The following ZNF445 variants were observed in gnomAD, a reference collection of about 807,000 sequenced individuals.
ZNF445 encodes the protein zinc finger protein 445.
A neutral mutation model predicts 93.9 loss-of-function variants in ZNF445; 19 were observed. The observed-to-expected ratio is 0.20, with a 90% CI of 0.14 to 0.30. The LOEUF is 0.30. ZNF445 is among the 10% of genes least tolerant of loss of function. ZNF445 has a pLI of 1.00. For synonymous variants in ZNF445, 449 were observed against 446.3 expected (o/e 1.01, Z -0.08); for missense variants, 1,058 against 1,259.4 (o/e 0.84, Z 2.42).
At position 44,448,675 on chromosome 3, in the gene ZNF445, T is replaced by C; in HGVS notation, c.996A>G (p.Glu332=). ...GACATCCTGATGACACAGCTAAGGT[T>C]TCTGCTTCTTCCAAAGGTTCCTGAT... ...ILNQEPLEEA[E]TLAVSSGCPA... is the part of the protein sequence containing the mutation. The change falls in exon 8 of 8, where the codon GAA becomes GAG. Residue 332 remains glutamate (E), a synonymous_variant. Coordinates refer to ENST00000396077, the MANE Select transcript of ZNF445 (RefSeq NM_181489.6). The C allele has an allele frequency of 1.2e-6, 2 of 1,614,000 alleles. No individual in the cohort carries two copies. The highest frequency in any genetic ancestry group is 1.7e-6 in the Non-Finnish European group (2 of 1,180,016).
intron 3 of ZNF445, among the ~76,000 whole-genome samples, chr3:44,451,887 G>A (rs1697963458): frequency 6.6e-6 from 1 of 152,244 alleles, no homozygotes. Flanking sequence ...ATGGTTCACA[G>A]TGGAGATACA....
At position 44,435,467 on chromosome 3, in the gene ZNF445, C is replaced by A. The variant is rs1171033792; in HGVS notation, c.*11108G>T. ...TGGAATCACTAGTTAATTAAGTTTACAATTAATCCAATTGTCATTCTCCAA... is the reference window on the plus strand; with the variant it reads ...TGGAATCACTAGTTAATTAAGTTTAAAATTAATCCAATTGTCATTCTCCAA... On this transcript the variant is annotated 3_prime_UTR_variant, in exon 8 of 8. Coordinates refer to ENST00000396077, the MANE Select transcript of ZNF445 (RefSeq NM_181489.6). 1.3e-5 allele frequency: 2 copies of A among 152,194 alleles called. No homozygotes were observed. Among genetic ancestry groups the A allele is most frequent in the Non-Finnish European group, 2.9e-5 (2 of 68,032 alleles). The allele number at this position is 152,194 out of a possible 1,614,324, so 9.4% of individuals were successfully genotyped here.
chr3:44,461,351 G>A (rs376716570), intron 1 of ZNF445, among the ~76,000 whole-genome samples: 162 of 144,706 alleles, frequency 1.1e-3, no homozygotes, highest in African/African-American at 3.8e-3. Flanking sequence ...GGAAGATTTC[G>A]AGGAGGTTTC....
At chr3:44,449,723 AC>A in intron 6 of ZNF445, 100 bp from the exon 7 acceptor site, 1 of 930,770 alleles carries the variant, frequency 1.1e-6, no homozygotes, top group Non-Finnish European at 1.7e-6. Flanking sequence ...GGTGGGAAAG[AC>A]CAGGAAGGCA....
chr3:44,457,771 G>A (rs1360876343), intron 2 of ZNF445, among the ~76,000 whole-genome samples: 1 of 152,086 alleles, frequency 6.6e-6, no homozygotes, highest in African/African-American at 2.4e-5. Context: ...GGGAGGCCTA[G>A]GCGCGTGGAT....
intron 1 of ZNF445, among the ~76,000 whole-genome samples, chr3:44,462,196 C>T (rs1478757067): frequency 1.3e-5 from 2 of 152,212 alleles, no homozygotes; most frequent in African/African-American, 4.8e-5. Flanking sequence ...GTCCACTTTT[C>T]AAGCCAGCCT....
rs1485920968 is a variant in ZNF445, at chr3:44,451,469, G to A, written c.443C>T (p.Ala148Val). 1 of 1,606,676 alleles carries A rather than the reference G, an allele frequency of 6.2e-7. No individual in the cohort carries two copies. Among genetic ancestry groups the A allele is most frequent in the Non-Finnish European group, 8.5e-7 (1 of 1,174,324 alleles). Residue 148 changes from alanine (A) to valine (V), a missense_variant, in exon 4 of 8, where the codon GCC (alanine) becomes GTC (valine). Ala to Val is a moderately conservative substitution (Grantham distance 64, BLOSUM62 0). Transcript: ENST00000396077. Reference protein sequence around the residue: ...DGTSWRDPGPAQSPDVHWMGT... With the variant: ...DGTSWRDPGPVQSPDVHWMGT... ...CATCCAATGCACATCTGGGCTCTGG[G>A]CAGGGCCCGGGTCCTGGCAAGAAGA...
In ZNF445 at chr3:44,440,793, T is replaced by C. The variant is rs1697797106; in HGVS notation, c.*5782A>G. Reference sequence around the variant, plus strand: ...TATTTTTATGGTTATTTATTGATTATATGCTAAACAAGGGGTAGATTATTC... The same window carrying C: ...TATTTTTATGGTTATTTATTGATTACATGCTAAACAAGGGGTAGATTATTC... On this transcript the variant is annotated 3_prime_UTR_variant, in exon 8 of 8. Coordinates refer to ENST00000396077, the MANE Select transcript of ZNF445 (RefSeq NM_181489.6). The C allele has an allele frequency of 6.6e-6, 1 of 152,234 alleles. No individual in the cohort carries two copies. The highest frequency in any genetic ancestry group is 1.5e-5 in the Non-Finnish European group (1 of 68,052). The allele number at this position is 152,234 out of a possible 1,614,324, so 9.4% of individuals were successfully genotyped here. A position where few individuals can be genotyped will look rare whatever the true frequency, so the allele number is the denominator to read the frequency against.
rs1055976423 is a variant in ZNF445 at position 44,450,743 on chromosome 3, T to C, written c.693+125A>G. 3 of 1,271,842 alleles carry C rather than the reference T, an allele frequency of 2.4e-6. No individual in the cohort carries two copies. The African/African-American group carries it at 4.5e-5, about 19-fold the overall frequency. 78.8% of individuals were successfully genotyped at this position (1,271,842 alleles called of 1,614,324 possible). A position where few individuals can be genotyped will look rare whatever the true frequency, so the allele number is the denominator to read the frequency against. On this transcript the variant is annotated intron_variant, in intron 5 of 7. Transcript: ENST00000396077. ...TCTGGGCTTGAGGGGGATAATCTGGTCTCTGGAACACGGGTCTTTGGATGT... is the reference window on the plus strand; with the variant it reads ...TCTGGGCTTGAGGGGGATAATCTGGCCTCTGGAACACGGGTCTTTGGATGT...
Position 44,447,598 on chromosome 3 carries a change from A to G in ZNF445, c.2073T>C (p.Thr691=). The change falls in exon 8 of 8, where the codon ACT becomes ACC. Residue 691 remains threonine, a synonymous_variant. Transcript: ENST00000396077. The surrounding 1 kb of genome is among the most constrained non-coding windows in gnomAD (Gnocchi z 4.7). ...FLCQQCGKTF[T]RKKTLVDHQR... ...GGTGGTCAACGAGAGTTTTCTTTCT[A>G]GTAAAAGTTTTCCCACACTGCTGAC... is the stretch of plus-strand genomic sequence containing the variant. The G allele has an allele frequency of 6.2e-7, 1 of 1,614,104 alleles. No homozygotes were observed. Among genetic ancestry groups the G allele is most frequent in the South Asian group, 1.1e-5 (1 of 91,080 alleles).
rs764801147 is a variant in ZNF445, at chr3:44,455,328, G to A, written c.222C>T (p.Ser74=). The change falls in exon 3 of 8, where the codon AGC becomes AGT. Residue 74 remains serine, a synonymous_variant. Coordinates refer to ENST00000396077, the MANE Select transcript of ZNF445 (RefSeq NM_181489.6). Reference sequence around the variant, plus strand: ...ACCAGCGACAGAGTTCCCGGAGCCGGCTCAGAGTTTCTAGGGGCCCTGAAG... The same window carrying A: ...ACCAGCGACAGAGTTCCCGGAGCCGACTCAGAGTTTCTAGGGGCCCTGAAG... ...HESSGPLETL[S]RLRELCRWWL... The A allele has an allele frequency of 1.2e-6, 2 of 1,613,926 alleles. No individual in the cohort carries two copies. The highest frequency in any genetic ancestry group is 1.7e-6 in the Non-Finnish European group (2 of 1,179,872).
In ZNF445 at chr3:44,465,428, C is replaced by T. The variant is rs1698180311; in HGVS notation, c.-268-7064G>A. On this transcript the variant is annotated intron_variant, in intron 1 of 7. Transcript: ENST00000396077. ...GATTTAAAAGAAATTATTTAGTTTT[C>T]CACAGGTTAAAAAATTAAAATGATA... is the stretch of plus-strand genomic sequence containing the variant. 2.0e-5 allele frequency among the ~76,000 whole-genome samples: 3 copies of T among 152,216 alleles called. No individual in the cohort carries two copies. The South Asian group carries it at 6.2e-4, about 32-fold the overall frequency.
Position 44,448,079 on chromosome 3 carries a change from T to C in ZNF445, c.1592A>G (p.His531Arg), listed in dbSNP as rs1236967248. 6.2e-7 allele frequency: 1 copy of C among 1,613,052 alleles called. No homozygotes were observed. The highest frequency in any genetic ancestry group is 8.5e-7 in the Non-Finnish European group (1 of 1,180,044). The change falls in exon 8 of 8, where the codon CAT becomes CGT. Residue 531 changes from histidine to arginine, a missense_variant. His to Arg is a conservative substitution (Grantham distance 29). This residue lies in a region of ZNF445 where 657 missense variants were observed against 746.4 expected (regional missense o/e 0.88). Transcript: ENST00000396077. ...AFRWSSNCAR[H>R]EKIHTGVKPY... ...CTTCACTCCAGTGTGAATTTTCTCA[T>C]GCCGCGCACAGTTGGAACTCCACCG... is the stretch of plus-strand genomic sequence containing the variant.
Position 44,455,497 on chromosome 3 carries a change from C to T in ZNF445, c.53G>A (p.Arg18Lys). Reference protein sequence around the residue: ...AAYPAQAQSSRERGRLQTVKK... With the variant: ...AAYPAQAQSSKERGRLQTVKK... ...TACTGTCTGAAGCCGCCCTCGCTCC[C>T]TCGAAGACTGGGCCTGAGCTGGATA... The change falls in exon 3 of 8, where the codon AGG (arginine) becomes AAG (lysine). Residue 18 changes from arginine (R) to lysine (K), a missense_variant. By Grantham distance (26) the Arg-to-Lys change is conservative (BLOSUM62 2). This residue lies in a region of ZNF445 where 657 missense variants were observed against 746.4 expected (regional missense o/e 0.88). Coordinates refer to ENST00000396077, the MANE Select transcript of ZNF445 (RefSeq NM_181489.6). The T allele has an allele frequency of 6.2e-7, 1 of 1,612,482 alleles. No individual in the cohort carries two copies. Among genetic ancestry groups the T allele is most frequent in the Non-Finnish European group, 8.5e-7 (1 of 1,179,128 alleles).
intron 1 of ZNF445, among the ~76,000 whole-genome samples, chr3:44,467,785 T>C (rs1045671470): frequency 5.3e-5 from 8 of 152,290 alleles, no homozygotes; most frequent in Non-Finnish European, 1.0e-4. Flanking sequence ...TGATTTGTTT[T>C]TAATAAAAAT....
At chr3:44,451,606 T>A in intron 3 of ZNF445, 124 bp from the exon 4 acceptor site, 1 of 1,066,612 alleles carries the variant, frequency 9.4e-7, no homozygotes. Context: ...GGTCCTTTAT[T>A]ACTTCCAGGC....
intron 7 of ZNF445, 102 bp from the exon 8 acceptor site, chr3:44,448,841 C>G (rs1697917018): frequency 3.7e-6 from 5 of 1,356,388 alleles, no homozygotes; most frequent in Non-Finnish European, 5.0e-6. Flanking sequence ...AGGCTTTTGC[C>G]TGACTGCCAA....
chr3:44,473,595 AATACT>A (rs898994778), intron 1 of ZNF445, among the ~76,000 whole-genome samples: 6 of 151,848 alleles, frequency 4.0e-5, no homozygotes, highest in African/African-American at 1.5e-4. Context: ...TTGATTTCTA[AATACT>A]ATACTATTCT....
At chr3:44,451,256 A>T in intron 4 of ZNF445, 58 bp downstream of exon 4, 2 of 1,576,242 alleles carry the variant, frequency 1.3e-6, no homozygotes, top group Non-Finnish European at 8.7e-7. Context: ...AGACAACACT[A>T]CAGGAAATGC....
Sources: allele counts gnomAD v4.1 joint callset (sites outside exome capture counted in the v4.1 genomes callset), GRCh38; gene constraint gnomAD v4.1.1; regional missense constraint gnomAD v4.1.1; non-coding constraint Gnocchi (gnomAD v3.1); transcripts MANE v1.5; gene names NCBI Gene and HGNC (gene_info 2026-07-23, HGNC 2026-07-21).